NRG1: variants seen among roughly 807,000 people sequenced by gnomAD.
The protein encoded by NRG1 is pro-neuregulin-1, membrane-bound isoform.
Under a neutral mutation model 63.8 loss-of-function variants are expected in NRG1, and 18 were observed. The ratio of observed to expected loss-of-function variants is 0.28; its 90% CI spans 0.19 to 0.42. The LOEUF (loss-of-function observed/expected upper bound fraction) is 0.42, where lower values mean the gene tolerates loss of function less well. Ranked by LOEUF, NRG1 falls within the 10% of genes least tolerant of loss-of-function variation. The probability of loss-of-function intolerance (pLI) is 1.00; values close to 1 mark genes in which losing one functional copy is unlikely to be tolerated. For synonymous variants in NRG1, 302 were observed against 301.3 expected (o/e 1.00, Z -0.02); for missense variants, 762 against 814.7 (o/e 0.94, Z 0.79).
intron 1 of NRG1, among the ~76,000 whole-genome samples, chr8:32,556,083 T>C (rs1223463496): frequency 6.6e-6 from 1 of 152,230 alleles, no homozygotes; most frequent in Non-Finnish European, 1.5e-5. Flanking sequence ...TTTTATTAGA[T>C]TGAATCATAT....
At chr8:32,394,441 A>G (rs772114174) in intron 1 of NRG1, among the ~76,000 whole-genome samples, 53 of 152,290 alleles carry the variant, frequency 3.5e-4, no homozygotes, top group Non-Finnish European at 6.8e-4. Context: ...GTCCCTTGAA[A>G]CAGGCACAAC....
intron 1 of NRG1, chr8:31,639,509 C>T (rs1483314507): frequency 3.3e-6 from 5 of 1,518,898 alleles, no homozygotes; most frequent in African/African-American, 2.8e-5. Context: ...ACTCCGCCTC[C>T]AGGGCTCTCT....
At chr8:32,761,033 T>G in intron 11 of NRG1, 1 of 969,544 alleles carries the variant, frequency 1.0e-6, no homozygotes, top group Middle Eastern at 5.3e-4. Context: ...AGATACTGCC[T>G]TCAAGATGGC....
intron 7 of NRG1, among the ~76,000 whole-genome samples, chr8:32,745,253 G>T (rs569773381): frequency 6.6e-6 from 1 of 152,220 alleles, no homozygotes; most frequent in East Asian, 1.9e-4. Context: ...TTAATTGTTT[G>T]TAGTCTTAAA....
intron 1 of NRG1, among the ~76,000 whole-genome samples, chr8:32,204,912 C>T (rs138389203): frequency 5.2e-4 from 79 of 152,240 alleles, no homozygotes; most frequent in Non-Finnish European, 9.4e-4. Context: ...ATATCTATAG[C>T]AATGATCACC....
At chr8:32,358,708 G>C (rs1176873230) in intron 1 of NRG1, among the ~76,000 whole-genome samples, 1 of 152,160 alleles carries the variant, frequency 6.6e-6, no homozygotes, top group Non-Finnish European at 1.5e-5. Context: ...GGCTAGAGCA[G>C]AGAAAGAACT....
intron 1 of NRG1, among the ~76,000 whole-genome samples, chr8:32,113,430 C>T (rs1002639170): frequency 6.6e-6 from 1 of 152,160 alleles, no homozygotes; most frequent in Non-Finnish European, 1.5e-5. Context: ...CTAGTCAGTT[C>T]TCTGCAGGCA....
At chr8:32,085,066 C>T (rs1008462991) in intron 1 of NRG1, among the ~76,000 whole-genome samples, 15 of 152,148 alleles carry the variant, frequency 9.9e-5, no homozygotes, top group Admixed American at 3.3e-4. Flanking sequence ...CTCTGGAGTT[C>T]GCCAGAAACC....
intron 1 of NRG1, among the ~76,000 whole-genome samples, chr8:32,048,442 CATACATATATATATATATATAT>C (rs1318860245): frequency 0.034 from 4,651 of 134,812 alleles, 253 homozygotes; most frequent in African/African-American, 0.11. Flanking sequence ...CACATATATA[CATACATATATATATATATATAT>C]ATATATATAT....
chr8:32,674,603 G>A (rs1020075116), intron 5 of NRG1, among the ~76,000 whole-genome samples: 3 of 152,154 alleles, frequency 2.0e-5, no homozygotes, highest in African/African-American at 7.2e-5. Context: ...GATATAAAAA[G>A]CAAAGAATTT....
At chr8:32,664,915 A>G (rs552535972) in intron 5 of NRG1, among the ~76,000 whole-genome samples, 152 of 152,188 alleles carry the variant, frequency 1.0e-3, no homozygotes, top group Non-Finnish European at 1.7e-3. Context: ...CAGTAGATTT[A>G]TGACAGGAAG....
Position 31,974,188 on chromosome 8 carries a change from C to T in NRG1, c.37+334757C>T, listed in dbSNP as rs185682139. Among the ~76,000 whole-genome samples the T allele has an allele frequency of 3.3e-5, 5 of 152,120 alleles. No homozygotes were observed. The East Asian group carries it at 9.7e-4, about 30-fold the overall frequency. On this transcript the variant is annotated intron_variant, in intron 1 of 10. Transcript: ENST00000519301. ...ACATTACCTTCTTTTTTGTTTGAGA[C>T]AGGGACTCGCTGTGTCACCCAGGCT...
At chr8:31,897,830 C>T (rs1831704290) in intron 1 of NRG1, among the ~76,000 whole-genome samples, 1 of 149,328 alleles carries the variant, frequency 6.7e-6, no homozygotes, top group Non-Finnish European at 1.5e-5. Flanking sequence ...GCCTGGCCAA[C>T]ATGTTGAAAC....
intron 1 of NRG1, among the ~76,000 whole-genome samples, chr8:31,940,866 C>A (rs983212713): frequency 2.6e-5 from 4 of 151,938 alleles, no homozygotes; most frequent in African/African-American, 9.7e-5. Context: ...TAGAACCTCT[C>A]AACAGACCAA....
In NRG1 at chr8:32,756,595, AT is replaced by A; in HGVS notation, c.921+70del. 4 of 1,516,972 alleles carry A rather than the reference AT, an allele frequency of 2.6e-6. No homozygotes were observed. In the South Asian group the frequency reaches 3.9e-5, roughly 15 times the overall value. The allele number at this position is 1,516,972 out of a possible 1,614,324, so 94.0% of individuals were successfully genotyped here. A position where few individuals can be genotyped will look rare whatever the true frequency, so the allele number is the denominator to read the frequency against. On this transcript the variant is annotated intron_variant, in intron 9 of 11. Transcript: ENST00000356819. ...CCTTTGTTCAGACGCCTTGAAGTTT[AT>A]TTTCGAAAGCTCTTAAGCTTTTAGC... is the stretch of plus-strand genomic sequence containing the variant.
intron 9 of NRG1, among the ~76,000 whole-genome samples, chr8:32,757,860 G>A (rs1162365764): frequency 6.6e-6 from 1 of 152,198 alleles, no homozygotes; most frequent in Non-Finnish European, 1.5e-5. Flanking sequence ...CATTTAGTGA[G>A]TGTTCAATAA....
intron 1 of NRG1, among the ~76,000 whole-genome samples, chr8:31,643,546 A>G (rs1804003117): frequency 6.6e-6 from 1 of 152,242 alleles, no homozygotes; most frequent in Admixed American, 6.5e-5. Flanking sequence ...ACCTTTGGAA[A>G]CAGAAACTAT....
intron 1 of NRG1, among the ~76,000 whole-genome samples, chr8:32,380,647 C>T (rs1478851071): frequency 6.6e-6 from 1 of 152,188 alleles, no homozygotes; most frequent in African/African-American, 2.4e-5. Context: ...ACTTAAGAAC[C>T]TTAAGACAGA....
intron 1 of NRG1, among the ~76,000 whole-genome samples, chr8:31,715,433 T>G (rs1255007406): frequency 6.6e-6 from 1 of 152,160 alleles, no homozygotes; most frequent in African/African-American, 2.4e-5. Flanking sequence ...GCTGTCAAGT[T>G]TTTAATAAAA....
Sources: allele counts gnomAD v4.1 joint callset (sites outside exome capture counted in the v4.1 genomes callset), GRCh38; gene constraint gnomAD v4.1.1; transcripts MANE v1.5; gene names NCBI Gene and HGNC (gene_info 2026-07-23, HGNC 2026-07-21).